Variants in WWOX observed in about 807,000 individuals in gnomAD.
WWOX encodes the protein WW domain containing oxidoreductase.
A neutral mutation model predicts 46.2 loss-of-function variants in WWOX; 69 were observed. The observed-to-expected ratio is 1.49, with a 90% confidence interval of 1.23 to 1.82. WWOX has a LOEUF of 1.82. Among genes scored for constraint, WWOX ranks in the 40% most tolerant of loss-of-function variants. The pLI, the probability that WWOX is intolerant of heterozygous loss-of-function variation, is 0.00. For synonymous variants in WWOX, 359 were observed against 202.6 expected (o/e 1.77, Z -6.56); for missense variants, 919 against 542.6 (o/e 1.69, Z -6.89).
chr16:78,805,625 G>A (rs1050519018), intron 8 of WWOX, among the ~76,000 whole-genome samples: 18 of 152,268 alleles, frequency 1.2e-4, no homozygotes, highest in African/African-American at 4.3e-4. Flanking sequence ...ATGCAGAAGA[G>A]TGGGATCTAC....
At chr16:78,272,844 A>T (rs7498670) in intron 5 of WWOX, among the ~76,000 whole-genome samples, 2 of 152,100 alleles carry the variant, frequency 1.3e-5, no homozygotes, top group African/African-American at 4.8e-5. Flanking sequence ...ACTCATCGGT[A>T]AGGAGTAGGG....
In WWOX at chr16:79,007,141, A is replaced by G. The variant is rs146607190; in HGVS notation, c.1057-204467A>G. On this transcript the variant is annotated intron_variant, in intron 8 of 8. Transcript: ENST00000566780. ...CAAATGACACAGACAAGATCCTTGC[A>G]CTTCCAAAACTTATGTTCCAGTGAG... 8.7e-4 allele frequency among the ~76,000 whole-genome samples: 133 copies of G among 152,314 alleles called. 3 individuals carry two copies. The East Asian group carries it at 0.02, about 23-fold the overall frequency.
At chr16:78,946,155 C>T (rs2045944530) in intron 8 of WWOX, among the ~76,000 whole-genome samples, 1 of 152,116 alleles carries the variant, frequency 6.6e-6, no homozygotes, top group Non-Finnish European at 1.5e-5. Context: ...AATGCCGAGA[C>T]ACCTCTGCCT....
chr16:78,418,195 C>T (rs78148493), intron 6 of WWOX, among the ~76,000 whole-genome samples: 2,234 of 151,990 alleles, frequency 0.015, 46 homozygotes, highest in East Asian at 0.063. Context: ...CCCGTCTCTA[C>T]TAAAAATACA....
intron 8 of WWOX, among the ~76,000 whole-genome samples, chr16:78,946,448 C>A (rs1287980958): frequency 1.3e-5 from 2 of 152,092 alleles, no homozygotes; most frequent in Non-Finnish European, 2.9e-5. Context: ...ACGTCGGCCT[C>A]CCAGAGTGCT....
intron 8 of WWOX, among the ~76,000 whole-genome samples, chr16:78,580,092 G>A (rs76003625): frequency 8.7e-6 from 1 of 115,512 alleles, no homozygotes; most frequent in Non-Finnish European, 1.8e-5. Flanking sequence ...TTTTTTTTTT[G>A]AGACCGAGTC....
chr16:78,576,566 C>G (rs537434542), intron 8 of WWOX, among the ~76,000 whole-genome samples: 1 of 152,282 alleles, frequency 6.6e-6, no homozygotes, highest in South Asian at 2.1e-4. Context: ...GGCCTGGTAC[C>G]TCATGCCTAT....
intron 8 of WWOX, among the ~76,000 whole-genome samples, chr16:78,462,913 C>A (rs1429920415): frequency 6.6e-6 from 1 of 152,202 alleles, no homozygotes; most frequent in African/African-American, 2.4e-5. Flanking sequence ...ACGCTGTTCA[C>A]CCCTTAGGAC....
Position 79,095,236 on chromosome 16 carries a change from G to A in WWOX, c.1057-116372G>A, listed in dbSNP as rs538927134. 1.1e-4 allele frequency among the ~76,000 whole-genome samples: 17 copies of A among 152,218 alleles called. No homozygotes were observed. In the South Asian group the frequency reaches 3.5e-3, roughly 32 times the overall value. On this transcript the variant is annotated intron_variant, in intron 8 of 8. Transcript: ENST00000566780. Reference sequence around the variant, plus strand: ...ACCCCAACAGGGCTTTCTCCCTCTGGCTGTTTTATTTAGCGGGAGAAGACA... The same window carrying A: ...ACCCCAACAGGGCTTTCTCCCTCTGACTGTTTTATTTAGCGGGAGAAGACA...
chr16:78,673,907 AT>A (rs1239546962), intron 8 of WWOX, among the ~76,000 whole-genome samples: 6 of 152,178 alleles, frequency 3.9e-5, no homozygotes, highest in African/African-American at 1.4e-4. Flanking sequence ...GAAATGTTTA[AT>A]TGGTTCATCC....
chr16:78,818,901 G>C (rs904456693), intron 8 of WWOX, among the ~76,000 whole-genome samples: 3 of 152,212 alleles, frequency 2.0e-5, no homozygotes, highest in Admixed American at 6.5e-5. Flanking sequence ...TAAGTGTACG[G>C]CTTAAGAGCA....
At position 78,857,071 on chromosome 16, in the gene WWOX, A is replaced by G. The variant is rs191239079; in HGVS notation, c.1057-354537A>G. Among the ~76,000 whole-genome samples the G allele has an allele frequency of 4.0e-4, 61 of 152,362 alleles. 2 individuals carry two copies. The East Asian group carries it at 0.012, about 29-fold the overall frequency. On this transcript the variant is annotated intron_variant, in intron 8 of 8. Transcript: ENST00000566780. ...AAATATGGTATTACAATCTTCTGGG[A>G]TCACCATTGCATATGTGGTTCATTG...
chr16:78,438,475 T>A (rs2083379550), intron 8 of WWOX, among the ~76,000 whole-genome samples: 1 of 151,490 alleles, frequency 6.6e-6, no homozygotes, highest in South Asian at 2.1e-4. Context: ...TTTTTCCACA[T>A]AAGCTTTCAT....
chr16:78,838,282 G>T (rs1440220808), intron 8 of WWOX, among the ~76,000 whole-genome samples: 4 of 152,152 alleles, frequency 2.6e-5, no homozygotes, highest in Non-Finnish European at 5.9e-5. Context: ...AGACAGGGTA[G>T]TTGGGCCATG....
intron 8 of WWOX, among the ~76,000 whole-genome samples, chr16:78,763,784 G>A (rs1417918231): frequency 6.6e-6 from 1 of 152,146 alleles, no homozygotes; most frequent in Non-Finnish European, 1.5e-5. Flanking sequence ...AATTTCTCCA[G>A]CATTCAGTTA....
At chr16:78,950,281 G>C (rs1204799276) in intron 8 of WWOX, among the ~76,000 whole-genome samples, 1 of 152,090 alleles carries the variant, frequency 6.6e-6, no homozygotes, top group Admixed American at 6.6e-5. Context: ...TGTGCCTTTG[G>C]AGTGGGGCGG....
At chr16:78,322,235 T>A (rs766741582) in intron 5 of WWOX, among the ~76,000 whole-genome samples, 27 of 152,266 alleles carry the variant, frequency 1.8e-4, no homozygotes, top group Non-Finnish European at 3.5e-4. Context: ...TAATGCTGAT[T>A]ATATAGTTTC....
At chr16:78,929,517 G>C (rs1368328931) in intron 8 of WWOX, among the ~76,000 whole-genome samples, 1 of 152,078 alleles carries the variant, frequency 6.6e-6, no homozygotes, top group South Asian at 2.1e-4. Context: ...CACCGTATCC[G>C]AGTGGGATCT....
intron 8 of WWOX, among the ~76,000 whole-genome samples, chr16:78,882,165 C>T (rs775652995): frequency 5.9e-5 from 9 of 152,178 alleles, no homozygotes; most frequent in South Asian, 2.1e-4. Context: ...TAGTTTTCTC[C>T]GTTTTGTGAC....
Sources: allele counts gnomAD v4.1 joint callset (sites outside exome capture counted in the v4.1 genomes callset), GRCh38; gene constraint gnomAD v4.1.1; transcripts MANE v1.5; gene names NCBI Gene and HGNC (gene_info 2026-07-23, HGNC 2026-07-21).